PANX3: variants seen among roughly 807,000 people sequenced by gnomAD.
PANX3 encodes the protein pannexin-3.
A neutral mutation model predicts 31.5 loss-of-function variants in PANX3; 18 were observed. The observed-to-expected ratio is 0.57, with a 90% CI of 0.39 to 0.85. PANX3 has a LOEUF of 0.85. PANX3 is among the 40% of genes least tolerant of loss of function. The pLI is 0.00. For synonymous variants in PANX3, 194 were observed against 201.6 expected (o/e 0.96, Z 0.32); for missense variants, 426 against 485.4 (o/e 0.88, Z 1.15).
rs1442800818 is a variant in PANX3 at position 124,620,123 on chromosome 11, A to G, written c.*188A>G. On this transcript the variant is annotated 3_prime_UTR_variant, in exon 4 of 4. Transcript: ENST00000284288. ...AAGACATAACCAAGACATGGAAATA[A>G]ATGTGAAAGCTGGAGCCGAAGAGTC... 2 of 677,886 alleles carry G rather than the reference A, an allele frequency of 3.0e-6. No homozygotes were observed. The highest frequency in any genetic ancestry group is 4.7e-6 in the Non-Finnish European group (2 of 428,130). 42.0% of individuals were successfully genotyped at this position (677,886 alleles called of 1,614,324 possible).
chr11:124,620,285 A>C lies in PANX3; in HGVS notation c.*350A>C, dbSNP rs1405418269. The C allele has an allele frequency of 1.1e-5, 2 of 187,410 alleles. No homozygotes were observed. The highest frequency in any genetic ancestry group is 5.8e-5 in the Admixed American group (1 of 17,178). 11.6% of individuals were successfully genotyped at this position (187,410 alleles called of 1,614,324 possible). ...CAATTCCATATCCTTTCTTGAACGC[A>C]CATTCAGCTTACCCCAGAGAGCAAG... is the stretch of plus-strand genomic sequence containing the variant. On this transcript the variant is annotated 3_prime_UTR_variant, in exon 4 of 4. Coordinates refer to ENST00000284288, the MANE Select transcript of PANX3 (RefSeq NM_052959.3).
At position 124,619,654 on chromosome 11, in the gene PANX3, C is replaced by T. The variant is rs778290506; in HGVS notation, c.898C>T (p.Arg300Ter). The change falls in exon 4 of 4, where the codon CGA becomes TGA. Residue 300 changes from arginine to a stop codon, truncating the protein, a stop_gained. Transcript: ENST00000284288. LOFTEE classifies it high-confidence loss of function. ...NLTRLCRWDK[R>*]LLSVYEMLPA... ...CACACGGCTATGTCGGTGGGACAAA[C>T]GACTTTTATCTGTCTATGAGATGCT... 42 of 1,614,004 alleles carry T rather than the reference C, an allele frequency of 2.6e-5. No individual in the cohort carries two copies. In the South Asian group the frequency reaches 3.0e-4, roughly 11 times the overall value.
chr11:124,612,104 G>T (rs1863101623), intron 1 of PANX3, among the ~76,000 whole-genome samples: 1 of 152,106 alleles, frequency 6.6e-6, no homozygotes, highest in African/African-American at 2.4e-5. Flanking sequence ...CTTCATCTTA[G>T]CTGGGCTGTC....
intron 2 of PANX3, among the ~76,000 whole-genome samples, chr11:124,615,231 C>T (rs1465518380): frequency 6.6e-6 from 1 of 151,938 alleles, no homozygotes; most frequent in Non-Finnish European, 1.5e-5. Flanking sequence ...TACAGGCACC[C>T]GCCACCAAGC....
At chr11:124,619,109 G>A (rs1031985476) in intron 3 of PANX3, among the ~76,000 whole-genome samples, 187 bp from the exon 4 acceptor site, 3 of 152,158 alleles carry the variant, frequency 2.0e-5, no homozygotes, top group Admixed American at 6.5e-5. Flanking sequence ...GTAAGTACTT[G>A]GAGAATCAAG....
Position 124,611,673 on chromosome 11 carries a change from G to T in PANX3, c.117G>T (p.Lys39Asn), listed in dbSNP as rs752328066. ...AACTGCCCCTGGACCGGATAGTCAA[G>T]TTCGTAGCTGTGGGCTCCCCCTTGT... is the stretch of plus-strand genomic sequence containing the variant. Reference protein sequence around the residue: ...RLELPLDRIVKFVAVGSPLLL... With the variant: ...RLELPLDRIVNFVAVGSPLLL... Residue 39 changes from lysine to asparagine, a missense_variant, in exon 1 of 4, where the codon AAG becomes AAT. Lys to Asn is a moderately conservative substitution (Grantham distance 94). Transcript: ENST00000284288. The T allele has an allele frequency of 6.2e-7, 1 of 1,614,188 alleles. No individual in the cohort carries two copies. The highest frequency in any genetic ancestry group is 2.2e-5 in the East Asian group (1 of 44,872).
Position 124,619,581 on chromosome 11 carries a change from C to T in PANX3, c.825C>T (p.Ser275=), listed in dbSNP as rs765106995. The T allele has an allele frequency of 1.7e-5, 28 of 1,614,034 alleles. No individual in the cohort carries two copies. Among genetic ancestry groups the T allele is most frequent in the Non-Finnish European group, 2.3e-5 (27 of 1,180,050 alleles). The part of the protein sequence containing the change: ...SLSIFQIVSL[S]SVAIYTILVP... ...CCATTTTCCAGATTGTTAGCCTCTC[C>T]AGTGTAGCAATATACACCATATTGG... The change falls in exon 4 of 4, where the codon TCC becomes TCT. Residue 275 remains serine, a synonymous_variant. Coordinates refer to ENST00000284288, the MANE Select transcript of PANX3 (RefSeq NM_052959.3).
In PANX3 at chr11:124,619,960, C is replaced by T; in HGVS notation, c.*25C>T. 1 of 1,562,468 alleles carries T rather than the reference C, an allele frequency of 6.4e-7. No homozygotes were observed. Among genetic ancestry groups the T allele is most frequent in the Non-Finnish European group, 8.6e-7 (1 of 1,157,862 alleles). On this transcript the variant is annotated 3_prime_UTR_variant, in exon 4 of 4. Coordinates refer to ENST00000284288, the MANE Select transcript of PANX3 (RefSeq NM_052959.3). ...GTTAAGAAACCATGGAGCAAGAAAG[C>T]TTGTGGAAAGTCTCTCTCCTTCCTC...
rs781544563 is a variant in PANX3, at chr11:124,619,638, A to G, written c.882A>G (p.Leu294=). The G allele has an allele frequency of 6.2e-7, 1 of 1,614,240 alleles. No individual in the cohort carries two copies. Among genetic ancestry groups the G allele is most frequent in the Admixed American group, 1.7e-5 (1 of 60,026 alleles). ...VPVIIYNLTR[L]CRWDKRLLSV... ...TGATAATATACAACCTCACACGGCT[A>G]TGTCGGTGGGACAAACGACTTTTAT... Residue 294 remains leucine (L), a synonymous_variant, in exon 4 of 4, where the codon CTA becomes CTG. Transcript: ENST00000284288.
In PANX3 at chr11:124,619,585, G is replaced by A. The variant is rs1361711523; in HGVS notation, c.829G>A (p.Val277Ile). 5 of 1,614,108 alleles carry A rather than the reference G, an allele frequency of 3.1e-6. No homozygotes were observed. The highest frequency in any genetic ancestry group is 4.2e-6 in the Non-Finnish European group (5 of 1,180,024). The change falls in exon 4 of 4, where the codon GTA becomes ATA. Residue 277 changes from valine to isoleucine, a missense_variant. Val to Ile is a conservative substitution (Grantham distance 29). Coordinates refer to ENST00000284288, the MANE Select transcript of PANX3 (RefSeq NM_052959.3). ...SIFQIVSLSSVAIYTILVPVI... is the reference protein window; with the variant it reads ...SIFQIVSLSSIAIYTILVPVI... ...TTTCCAGATTGTTAGCCTCTCCAGT[G>A]TAGCAATATACACCATATTGGTTCC...
At position 124,611,430 on chromosome 11, in the gene PANX3, A is replaced by C. The variant is rs572121539; in HGVS notation, c.-127A>C. ...GAGAACCATCGCCTGCTCCCAGCAG[A>C]GATATCCATAAGGCTGGGGTGGCAG... On this transcript the variant is annotated 5_prime_UTR_variant, in exon 1 of 4. Transcript: ENST00000284288. The C allele has an allele frequency of 2.7e-4, 215 of 802,176 alleles. 2 individuals are homozygous for C. In the South Asian group the frequency reaches 4.1e-3, roughly 15 times the overall value. The allele number at this position is 802,176 out of a possible 1,614,324, so 49.7% of individuals were successfully genotyped here.
At chr11:124,611,893 C>A (rs1437799848) in intron 1 of PANX3, among the ~76,000 whole-genome samples, 156 bp downstream of exon 1, 1 of 145,180 alleles carries the variant, frequency 6.9e-6, no homozygotes, top group Admixed American at 7.1e-5. Context: ...GAGTTCAGGG[C>A]ACCAGCAAAG....
chr11:124,617,185 A>T, intron 2 of PANX3, 89 bp from the exon 3 acceptor site: 1 of 1,085,244 alleles, frequency 9.2e-7, no homozygotes, highest in Non-Finnish European at 1.3e-6. Context: ...CTGAGGCAGG[A>T]ACAGGGGAAA....
Position 124,617,481 on chromosome 11 carries a change from C to T in PANX3, c.532C>T (p.Leu178=), listed in dbSNP as rs1184325932. The stretch of plus-strand genomic sequence containing the variant: ...CGACCCCTATGTGTTCTGGAATGAG[C>T]TGGAGAAGTGAGTTGTCTCTTCCAC... ...SSDPYVFWNE[L]EKARKERYFE... The change falls in exon 3 of 4, where the codon CTG becomes TTG. Residue 178 remains leucine, a synonymous_variant. Coordinates refer to ENST00000284288, the MANE Select transcript of PANX3 (RefSeq NM_052959.3). 3 of 1,614,024 alleles carry T rather than the reference C, an allele frequency of 1.9e-6. No homozygotes were observed. The highest frequency in any genetic ancestry group is 2.7e-5 in the African/African-American group (2 of 74,950).
At position 124,616,097 on chromosome 11, in the gene PANX3, T is replaced by C. The variant is rs1863150745; in HGVS notation, c.325-1177T>C. Among the ~76,000 whole-genome samples the C allele has an allele frequency of 6.6e-6, 1 of 152,026 alleles. No homozygotes were observed. Among genetic ancestry groups the C allele is most frequent in the Non-Finnish European group, 1.5e-5 (1 of 67,988 alleles). ...AAATAGTTGGCCCAACCCTGCTAGGTGTGGTAAGTATGATGAGGAAACCTG... is the reference window on the plus strand; with the variant it reads ...AAATAGTTGGCCCAACCCTGCTAGGCGTGGTAAGTATGATGAGGAAACCTG... On this transcript the variant is annotated intron_variant, in intron 2 of 3. Coordinates refer to ENST00000284288, the MANE Select transcript of PANX3 (RefSeq NM_052959.3). This position sits in a 1 kb window ranked among gnomAD's most constrained non-coding sequence, Gnocchi z 4.8.
chr11:124,619,863 G>A lies in PANX3; in HGVS notation c.1107G>A (p.Met369Ile). 6.2e-7 allele frequency: 1 copy of A among 1,614,030 alleles called. No homozygotes were observed. The highest frequency in any genetic ancestry group is 8.5e-7 in the Non-Finnish European group (1 of 1,180,014). ...KHNIDTVVDF[M>I]TLLAGLEPSK... is the part of the protein sequence containing the mutation. ...ATATTGACACAGTAGTTGATTTTAT[G>A]ACTTTATTGGCTGGCTTAGAACCCT... Residue 369 changes from methionine to isoleucine, a missense_variant, in exon 4 of 4, where the codon ATG becomes ATA. By Grantham distance (10) the Met-to-Ile change is conservative. Coordinates refer to ENST00000284288, the MANE Select transcript of PANX3 (RefSeq NM_052959.3).
At chr11:124,612,833 T>A (rs1863108019) in intron 1 of PANX3, 147 bp from the exon 2 acceptor site, 1 of 927,532 alleles carries the variant, frequency 1.1e-6, no homozygotes, top group Non-Finnish European at 1.6e-6. Context: ...TACCGTGACA[T>A]GGCAGTGCTC....
rs1863102124 is a variant in PANX3, at chr11:124,612,167, C to A, written c.181+430C>A. On this transcript the variant is annotated intron_variant, in intron 1 of 3. Coordinates refer to ENST00000284288, the MANE Select transcript of PANX3 (RefSeq NM_052959.3). ...TCTTCCCACCCCTAACCCGCCAACT[C>A]CAGGGTTATTGACTTGAGAACATGT... Among the ~76,000 whole-genome samples the A allele has an allele frequency of 2.0e-5, 3 of 152,086 alleles. No homozygotes were observed. In the South Asian group the frequency reaches 6.2e-4, roughly 32 times the overall value.
Position 124,613,063 on chromosome 11 carries a change from C to T in PANX3, c.265C>T (p.Leu89Phe). ...YVDSSCWDSL[L>F]HHKQDGPGQD... ...GGACAGCTCCTGCTGGGACTCACTG[C>T]TTCACCATAAGCAGGACGGGCCTGG... Residue 89 changes from leucine to phenylalanine, a missense_variant, in exon 2 of 4, where the codon CTT (leucine) becomes TTT (phenylalanine). By Grantham distance (22) the Leu-to-Phe change is conservative. Transcript: ENST00000284288. 1.2e-6 allele frequency: 2 copies of T among 1,614,134 alleles called. No homozygotes were observed. Among genetic ancestry groups the T allele is most frequent in the Non-Finnish European group, 1.7e-6 (2 of 1,180,034 alleles).
Sources: gnomAD v4.1 joint callset for allele counts (sites outside exome capture counted in the v4.1 genomes callset) on GRCh38, gnomAD v4.1.1 for gene constraint, Gnocchi (gnomAD v3.1) non-coding constraint, MANE v1.5 for transcripts, NCBI Gene and HGNC (gene_info 2026-07-23, HGNC 2026-07-21) for gene names.